CCDC3: variants seen among roughly 807,000 people sequenced by gnomAD.
CCDC3 encodes coiled-coil domain containing 3, also known as coiled-coil domain-containing protein 3.
CCDC3 carries 24 observed loss-of-function variants against 21.4 expected under a neutral mutation model. That is an observed-to-expected ratio of 1.12 (90% CI 0.81 to 1.58). The LOEUF (loss-of-function observed/expected upper bound fraction) is 1.58, where lower values mean the gene tolerates loss of function less well. Among genes scored for constraint, CCDC3 ranks in the 40% most tolerant of loss-of-function variants. The probability of loss-of-function intolerance (pLI) is 0.00; values close to 1 mark genes in which losing one functional copy is unlikely to be tolerated. For synonymous variants in CCDC3, 186 were observed against 166.0 expected (o/e 1.12, Z -0.93); for missense variants, 425 against 360.9 (o/e 1.18, Z -1.44).
At chr10:12,977,022 C>A (rs1835427435) in intron 2 of CCDC3, among the ~76,000 whole-genome samples, 1 of 152,176 alleles carries the variant, frequency 6.6e-6, no homozygotes, top group Non-Finnish European at 1.5e-5. Flanking sequence ...GCCTGTAATC[C>A]CAGCACTTTG....
intron 2 of CCDC3, among the ~76,000 whole-genome samples, chr10:12,935,951 A>G (rs1834730431): frequency 6.6e-6 from 1 of 152,210 alleles, no homozygotes; most frequent in Admixed American, 6.5e-5. Context: ...TTCACTTTCT[A>G]AGCATCTACT....
At chr10:13,076,990 G>A (rs1836972742) in intron 3 of CCDC3, among the ~76,000 whole-genome samples, 1 of 152,154 alleles carries the variant, frequency 6.6e-6, no homozygotes, top group Non-Finnish European at 1.5e-5. Context: ...ATTACACATA[G>A]TGTTGGAAGT....
chr10:13,012,027 C>T (rs571072119), intron 5 of CCDC3, among the ~76,000 whole-genome samples: 68 of 152,234 alleles, frequency 4.5e-4, no homozygotes, highest in African/African-American at 1.3e-3. Flanking sequence ...CCCTTCCTTA[C>T]GCCATACACA....
intron 2 of CCDC3, among the ~76,000 whole-genome samples, chr10:12,982,560 G>A (rs942691096): frequency 4.0e-5 from 6 of 151,824 alleles, no homozygotes; most frequent in East Asian, 3.9e-4. Flanking sequence ...TTGGGAGGCC[G>A]AGGTGGGTGG....
intron 2 of CCDC3, among the ~76,000 whole-genome samples, chr10:12,939,623 CGG>C (rs1564291403): frequency 0.017 from 90 of 5,264 alleles, no homozygotes; most frequent in African/African-American, 0.043. Flanking sequence ...ATGGTAGGAG[CGG>C]ATCAATTCTG....
intron 2 of CCDC3, among the ~76,000 whole-genome samples, chr10:12,943,324 C>G (rs982624852): frequency 6.6e-6 from 1 of 152,070 alleles, no homozygotes; most frequent in African/African-American, 2.4e-5. Flanking sequence ...AAGGGAACCC[C>G]GAAGAAATGT....
chr10:12,985,739 G>T (rs138582375), intron 2 of CCDC3, among the ~76,000 whole-genome samples: 1,710 of 152,344 alleles, frequency 0.011, 19 homozygotes, highest in Middle Eastern at 0.044. Flanking sequence ...ATTAAGGGTT[G>T]CCAGAGTTTA....
chr10:13,022,831 A>C (rs1046528466), intron 5 of CCDC3, among the ~76,000 whole-genome samples: 29 of 152,268 alleles, frequency 1.9e-4, no homozygotes, highest in African/African-American at 7.0e-4. Context: ...ACTGTGAAAG[A>C]AATTATAAAT....
chr10:12,923,307 C>T (rs1337690190), intron 2 of CCDC3, among the ~76,000 whole-genome samples: 3 of 152,202 alleles, frequency 2.0e-5, no homozygotes, highest in Non-Finnish European at 2.9e-5. Flanking sequence ...AGACGGTCCT[C>T]CCTCTGACAT....
chr10:12,905,410 A>G (rs1281087506), intron 2 of CCDC3, among the ~76,000 whole-genome samples: 1 of 152,202 alleles, frequency 6.6e-6, no homozygotes, highest in African/African-American at 2.4e-5. Flanking sequence ...CTTAACCTCA[A>G]GAGGGGCTCA....
intron 4 of CCDC3, among the ~76,000 whole-genome samples, chr10:13,070,389 C>T (rs1319709573): frequency 1.3e-5 from 2 of 152,180 alleles, no homozygotes; most frequent in Admixed American, 1.3e-4. Context: ...TGCAACAAGA[C>T]ACAATTGGAG....
chr10:12,912,604 G>A (rs1834287412), intron 2 of CCDC3, among the ~76,000 whole-genome samples: 1 of 151,990 alleles, frequency 6.6e-6, no homozygotes, highest in African/African-American at 2.4e-5. Flanking sequence ...CTGGACAGGA[G>A]CTTTTTACTT....
At chr10:12,908,112 T>C (rs1466446884) in intron 2 of CCDC3, among the ~76,000 whole-genome samples, 2 of 152,192 alleles carry the variant, frequency 1.3e-5, no homozygotes, top group Non-Finnish European at 2.9e-5. Flanking sequence ...ATTAGCTAAG[T>C]TCTACTACAG....
intron 2 of CCDC3, among the ~76,000 whole-genome samples, chr10:12,909,642 G>A (rs1026322462): frequency 3.3e-5 from 5 of 152,130 alleles, no homozygotes; most frequent in African/African-American, 9.7e-5. Flanking sequence ...TCTCCCTTCC[G>A]GTGTCAGGGC....
chr10:12,907,022 G>T (rs1017289159), intron 2 of CCDC3, among the ~76,000 whole-genome samples: 2 of 151,978 alleles, frequency 1.3e-5, no homozygotes, highest in African/African-American at 4.8e-5. Flanking sequence ...TGCCTTCCTG[G>T]TTCCTCCTGA....
chr10:12,928,433 C>T (rs1169453523), intron 2 of CCDC3, among the ~76,000 whole-genome samples: 1 of 152,174 alleles, frequency 6.6e-6, no homozygotes, highest in Non-Finnish European at 1.5e-5. Context: ...AATTACAATA[C>T]TTAACATCCT....
intron 4 of CCDC3, among the ~76,000 whole-genome samples, chr10:13,072,584 G>A (rs1038446532): frequency 6.6e-6 from 1 of 152,178 alleles, no homozygotes; most frequent in African/African-American, 2.4e-5. Flanking sequence ...AGGGGGAGGA[G>A]CCTGCTCTTC....
At chr10:12,936,395 T>C (rs1386584899) in intron 2 of CCDC3, among the ~76,000 whole-genome samples, 1 of 152,182 alleles carries the variant, frequency 6.6e-6, no homozygotes, top group African/African-American at 2.4e-5. Flanking sequence ...TCTCACTCTG[T>C]TGCCCAGGCT....
chr10:13,018,028 C>T (rs1445972875), intron 5 of CCDC3, among the ~76,000 whole-genome samples: 1 of 151,898 alleles, frequency 6.6e-6, no homozygotes, highest in African/African-American at 2.4e-5. Context: ...CAGAGCAAAC[C>T]CTAAACTGAG....
Sources: gnomAD v4.1 joint callset for allele counts (sites outside exome capture counted in the v4.1 genomes callset) on GRCh38, gnomAD v4.1.1 for gene constraint, MANE v1.5 for transcripts, NCBI Gene and HGNC (gene_info 2026-07-23, HGNC 2026-07-21) for gene names.